Variants in CATSPERB observed in about 807,000 individuals in gnomAD.
CATSPERB encodes catsper channel auxiliary subunit beta.
CATSPERB carries 93 observed loss-of-function variants against 128.3 expected under a neutral mutation model. The ratio of observed to expected loss-of-function variants is 0.72; its 90% confidence interval spans 0.61 to 0.86. The LOEUF (loss-of-function observed/expected upper bound fraction) is 0.86, where lower values mean the gene tolerates loss of function less well. Ranked by LOEUF, CATSPERB falls within the 40% of genes least tolerant of loss-of-function variation. The probability of loss-of-function intolerance (pLI) is 0.00; values close to 1 mark genes in which losing one functional copy is unlikely to be tolerated. For missense variants in CATSPERB, 1,153 were observed against 1,329.5 expected (o/e 0.87, Z 2.06); for synonymous variants, 381 against 448.8 (o/e 0.85, Z 1.91).
At chr14:91,707,032 A>G (rs1031265575) in intron 6 of CATSPERB, among the ~76,000 whole-genome samples, 4 of 152,166 alleles carry the variant, frequency 2.6e-5, no homozygotes, top group African/African-American at 9.7e-5. Flanking sequence ...TGGTCTTTTC[A>G]TTATAAAAGA....
intron 14 of CATSPERB, among the ~76,000 whole-genome samples, chr14:91,663,644 C>CAAAAAAAA (rs34498815): frequency 1.2e-5 from 1 of 86,780 alleles, no homozygotes; most frequent in Non-Finnish European, 2.2e-5. Context: ...GACTCCGTCT[C>CAAAAAAAA]AAAAAAAAAA....
intron 22 of CATSPERB, among the ~76,000 whole-genome samples, chr14:91,607,374 G>A (rs1893730731): frequency 6.6e-6 from 1 of 152,182 alleles, no homozygotes; most frequent in African/African-American, 2.4e-5. Context: ...AGGGCTTACT[G>A]TGATGGTGAC....
chr14:91,679,561 C>G (rs1049080856), intron 11 of CATSPERB, among the ~76,000 whole-genome samples: 5 of 152,106 alleles, frequency 3.3e-5, no homozygotes, highest in Admixed American at 6.6e-5. Flanking sequence ...TAAAAAACCT[C>G]AGATTTAAAA....
intron 20 of CATSPERB, among the ~76,000 whole-genome samples, chr14:91,616,481 A>AG (rs1216500124): frequency 2.0e-5 from 3 of 152,158 alleles, no homozygotes; most frequent in Non-Finnish European, 4.4e-5. Flanking sequence ...CTAAAAAAAA[A>AG]TGACTTGTAA....
At chr14:91,611,932 G>A (rs547513277) in intron 20 of CATSPERB, among the ~76,000 whole-genome samples, 3 of 152,082 alleles carry the variant, frequency 2.0e-5, no homozygotes, top group East Asian at 1.9e-4. Flanking sequence ...AACTCATATC[G>A]TTGAGGCTTC....
intron 4 of CATSPERB, among the ~76,000 whole-genome samples, chr14:91,722,093 T>C (rs1450598737): frequency 6.6e-6 from 1 of 152,156 alleles, no homozygotes; most frequent in Non-Finnish European, 1.5e-5. Flanking sequence ...CTAGTGAGAA[T>C]GTAAAATAGT....
At chr14:91,617,800 A>G (rs1159576738) in intron 19 of CATSPERB, 64 bp from the exon 20 acceptor site, 1 of 1,156,178 alleles carries the variant, frequency 8.6e-7, no homozygotes, top group African/African-American at 1.6e-5. Flanking sequence ...TTGAATAATG[A>G]TTGGCTAATC....
chr14:91,593,762 TA>T (rs1421596141), intron 22 of CATSPERB, among the ~76,000 whole-genome samples: 1 of 152,194 alleles, frequency 6.6e-6, no homozygotes, highest in Non-Finnish European at 1.5e-5. Context: ...TGATTGGTTT[TA>T]AAATGTGAGG....
intron 22 of CATSPERB, chr14:91,603,148 T>C (rs1171889198): frequency 6.9e-5 from 54 of 784,770 alleles, no homozygotes; most frequent in Non-Finnish European, 1.2e-4. Context: ...CTTCCTTGTA[T>C]ACCTTCATGT....
At chr14:91,708,504 G>A (rs1312332861) in intron 5 of CATSPERB, among the ~76,000 whole-genome samples, 1 of 152,152 alleles carries the variant, frequency 6.6e-6, no homozygotes, top group East Asian at 1.9e-4. Flanking sequence ...AGCTGTAGGG[G>A]CTTGATAAAA....
At chr14:91,671,206 C>G (rs908642443) in intron 13 of CATSPERB, among the ~76,000 whole-genome samples, 4 of 152,270 alleles carry the variant, frequency 2.6e-5, no homozygotes, top group Non-Finnish European at 5.9e-5. Context: ...AATCCCTTCT[C>G]CAGAGGAGTT....
intron 22 of CATSPERB, 46 bp downstream of exon 22, chr14:91,608,248 C>A (rs374038099): frequency 1.7e-6 from 2 of 1,173,462 alleles, no homozygotes; most frequent in Non-Finnish European, 2.5e-6. Context: ...TGAATGATTT[C>A]CTGAATTCAA....
At chr14:91,684,809 G>A (rs775490066) in intron 10 of CATSPERB, among the ~76,000 whole-genome samples, 16 of 151,724 alleles carry the variant, frequency 1.1e-4, no homozygotes, top group Non-Finnish European at 1.5e-4. Flanking sequence ...TAGAGACAAG[G>A]TTTCACCATG....
intron 1 of CATSPERB, among the ~76,000 whole-genome samples, chr14:91,730,087 A>G (rs1896188922): frequency 6.6e-6 from 1 of 152,130 alleles, no homozygotes; most frequent in Non-Finnish European, 1.5e-5. Context: ...TTATGGGCTC[A>G]ATTTTCTACC....
chr14:91,628,241 C>A (rs564912409), intron 17 of CATSPERB, among the ~76,000 whole-genome samples: 218 of 152,262 alleles, frequency 1.4e-3, no homozygotes, highest in Non-Finnish European at 2.7e-3. Context: ...GTAGTAGCTG[C>A]ACCTACAGGC....
At chr14:91,718,893 G>C (rs1407038602) in intron 5 of CATSPERB, among the ~76,000 whole-genome samples, 1 of 151,878 alleles carries the variant, frequency 6.6e-6, no homozygotes, top group African/African-American at 2.4e-5. Flanking sequence ...TTAACCTCTG[G>C]GAATGTGTCT....
At chr14:91,714,993 G>A (rs7157214) in intron 5 of CATSPERB, 19,288 of 153,314 alleles carry the variant, frequency 0.13, 1,401 homozygotes, top group African/African-American at 0.18. Flanking sequence ...TGGCAGTTGC[G>A]GCCAACCAAC....
intron 18 of CATSPERB, 42 bp downstream of exon 18, chr14:91,624,769 ATTTTTCATT>A: frequency 7.4e-7 from 1 of 1,353,332 alleles, no homozygotes. Flanking sequence ...ACAAAAGATA[ATTTTTCATT>A]TTTTTCTAGC....
rs111748493 is a variant in CATSPERB at position 91,724,896 on chromosome 14, T to C, written c.168+184A>G. Among the ~76,000 whole-genome samples the C allele has an allele frequency of 6.1e-3, 927 of 152,268 alleles. 14 individuals are homozygous for C. The highest frequency in any genetic ancestry group is 0.021 in the African/African-American group (871 of 41,546). ...GGATGCTCTATGGCTAAGTGAAGTATTTTACCTGCTCCAAGTAGACATACA... is the reference window on the plus strand; with the variant it reads ...GGATGCTCTATGGCTAAGTGAAGTACTTTACCTGCTCCAAGTAGACATACA... On this transcript the variant is annotated intron_variant, in intron 3 of 26. Transcript: ENST00000256343.
Sources: allele counts gnomAD v4.1 joint callset (sites outside exome capture counted in the v4.1 genomes callset), GRCh38; gene constraint gnomAD v4.1.1; transcripts MANE v1.5; gene names NCBI Gene and HGNC (gene_info 2026-07-23, HGNC 2026-07-21).